VWF: variants seen among roughly 807,000 people sequenced by gnomAD.
VWF encodes the protein von Willebrand factor.
Under a neutral mutation model 308.6 loss-of-function variants are expected in VWF, and 176 were observed. The observed-to-expected ratio is 0.57, with a 90% CI of 0.50 to 0.65. The LOEUF is 0.65. Ranked by LOEUF, VWF falls within the 30% of genes least tolerant of loss-of-function variation. The pLI, the probability that VWF is intolerant of heterozygous loss-of-function variation, is 0.00. For missense variants in VWF, 3,146 were observed against 3,648.2 expected (o/e 0.86, Z 3.55); for synonymous variants, 1,385 against 1,443.4 (o/e 0.96, Z 0.92).
intron 38 of VWF, among the ~76,000 whole-genome samples, chr12:5,986,733 G>A (rs1943684284): frequency 6.6e-6 from 1 of 152,140 alleles, no homozygotes; most frequent in African/African-American, 2.4e-5. Flanking sequence ...ACTGTGTTGA[G>A]GACTTTATTT....
At chr12:6,010,145 TAATGGGAA>T (rs767983171) in intron 34 of VWF, among the ~76,000 whole-genome samples, 7 of 152,126 alleles carry the variant, frequency 4.6e-5, no homozygotes, top group Non-Finnish European at 1.0e-4. Flanking sequence ...ACAACTTTTC[TAATGGGAA>T]AATGGGGAAA....
chr12:6,032,834 TCA>T (rs1565837381), intron 20 of VWF, among the ~76,000 whole-genome samples: 1 of 149,672 alleles, frequency 6.7e-6, no homozygotes, highest in Non-Finnish European at 1.5e-5. Context: ...ACACACGTGC[TCA>T]CACATACACA....
intron 20 of VWF, among the ~76,000 whole-genome samples, chr12:6,032,540 A>G (rs1944279105): frequency 6.6e-6 from 1 of 151,402 alleles, no homozygotes; most frequent in African/African-American, 2.4e-5. Context: ...AGGGAGGCCG[A>G]GGCAGGAGAA....
chr12:6,014,997 C>G (rs1591859774), intron 31 of VWF, among the ~76,000 whole-genome samples: 2 of 152,210 alleles, frequency 1.3e-5, no homozygotes, highest in Admixed American at 6.5e-5. Context: ...TTCCTCAATT[C>G]AGCTCTCCAG....
At chr12:5,984,831 T>C (rs1943659432) in intron 40 of VWF, among the ~76,000 whole-genome samples, 1 of 152,262 alleles carries the variant, frequency 6.6e-6, no homozygotes, top group Non-Finnish European at 1.5e-5. Flanking sequence ...CTGTCAAACC[T>C]GTGTTTAGTA....
intron 5 of VWF, among the ~76,000 whole-genome samples, chr12:6,103,483 CATAT>C (rs1565391190): frequency 9.4e-6 from 1 of 106,162 alleles, no homozygotes; most frequent in South Asian, 2.5e-4. Context: ...TGTGTATATA[CATAT>C]ATGTGTATAC....
intron 30 of VWF, 132 bp downstream of exon 30, chr12:6,016,384 T>C: frequency 7.1e-7 from 1 of 1,417,792 alleles, no homozygotes; most frequent in South Asian, 1.2e-5. Context: ...GAAGAGCATC[T>C]AGCCCCTCAC....
At chr12:6,064,770 CCA>C in intron 11 of VWF, among the ~76,000 whole-genome samples, 1 of 152,312 alleles carries the variant, frequency 6.6e-6, no homozygotes, top group Non-Finnish European at 1.5e-5. Context: ...CACACATGTA[CCA>C]CAGAGTTCAG....
At chr12:5,962,857 A>AT (rs1349168005) in intron 47 of VWF, among the ~76,000 whole-genome samples, 1 of 152,110 alleles carries the variant, frequency 6.6e-6, no homozygotes, top group Non-Finnish European at 1.5e-5. Context: ...CCAGCAATTC[A>AT]TTTTTTACAA....
rs1326094978 is a variant in VWF at position 5,992,011 on chromosome 12, T to C, written c.6606A>G (p.Ser2202=). 6.2e-7 allele frequency: 1 copy of C among 1,614,100 alleles called. No homozygotes were observed. Among genetic ancestry groups the C allele is most frequent in the Admixed American group, 1.7e-5 (1 of 60,002 alleles). The part of the protein sequence containing the change: ...DWRTPDFCAM[S]CPPSLVYNHC... ...GGTTGTAGACCAGAGATGGTGGGCA[T>C]GACATAGCTGTAGACAGAGAAGGAG... Residue 2202 remains serine, a synonymous_variant, in exon 38 of 52, where the codon TCA becomes TCG. Coordinates refer to ENST00000261405, the MANE Select transcript of VWF (RefSeq NM_000552.5).
At position 6,035,443 on chromosome 12, in the gene VWF, C is replaced by T. The variant is rs186477178; in HGVS notation, c.2547-617G>A. Among the ~76,000 whole-genome samples, 327 of 152,294 alleles carry T rather than the reference C, an allele frequency of 2.1e-3. 1 individual carries two copies. The highest frequency in any genetic ancestry group is 7.4e-3 in the African/African-American group (307 of 41,556). The stretch of plus-strand genomic sequence containing the variant: ...GCTGACATCAAGAAGCCCACTTGTG[C>T]GTCAGAGGTGGTAAGCTCAGACCTC... On this transcript the variant is annotated intron_variant, in intron 19 of 51. Coordinates refer to ENST00000261405, the MANE Select transcript of VWF (RefSeq NM_000552.5).
chr12:6,037,427 G>A (rs527262790), intron 18 of VWF, among the ~76,000 whole-genome samples: 5 of 152,268 alleles, frequency 3.3e-5, no homozygotes, highest in South Asian at 2.1e-4. Context: ...CCCGTATCCC[G>A]GTTCACTCTC....
chr12:5,987,650 C>T (rs216882), intron 38 of VWF, among the ~76,000 whole-genome samples: 124,314 of 152,246 alleles, frequency 0.82, 51,649 homozygotes, highest in East Asian at 0.92. Flanking sequence ...CGTGGAATAC[C>T]ACCTAGCAAT....
At chr12:6,028,764 T>C (rs1944222948) in intron 22 of VWF, among the ~76,000 whole-genome samples, 1 of 152,086 alleles carries the variant, frequency 6.6e-6, no homozygotes, top group South Asian at 2.1e-4. Flanking sequence ...AAGGAAGCAC[T>C]AAACATGGAA....
chr12:6,039,186 A>C (rs1254110939), intron 18 of VWF, among the ~76,000 whole-genome samples: 1 of 152,226 alleles, frequency 6.6e-6, no homozygotes, highest in African/African-American at 2.4e-5. Flanking sequence ...AAGTCTATGA[A>C]TGTCCCCTGA....
intron 6 of VWF, among the ~76,000 whole-genome samples, chr12:6,088,997 G>A (rs1383365285): frequency 1.3e-5 from 2 of 152,172 alleles, no homozygotes; most frequent in Non-Finnish European, 2.9e-5. Flanking sequence ...GAAAGCACCA[G>A]AGGGTTGGGG....
chr12:6,003,554 G>C (rs1258678069), intron 34 of VWF, among the ~76,000 whole-genome samples: 2 of 151,838 alleles, frequency 1.3e-5, no homozygotes, highest in East Asian at 1.9e-4. Flanking sequence ...TGACAACATG[G>C]ATGAACCTTG....
At chr12:5,962,170 C>T (rs1351814927) in intron 47 of VWF, among the ~76,000 whole-genome samples, 1 of 152,172 alleles carries the variant, frequency 6.6e-6, no homozygotes, top group East Asian at 1.9e-4. Context: ...TATTGTGTTA[C>T]AGCAGCACAG....
rs766444913 is a variant in VWF at position 5,981,895 on chromosome 12, T to G, written c.7178A>C (p.Glu2393Ala). The G allele has an allele frequency of 2.6e-6, 4 of 1,552,528 alleles. No individual in the cohort carries two copies. The South Asian group carries it at 4.4e-5, about 17-fold the overall frequency. The change falls in exon 42 of 52, where the codon GAG becomes GCG. Residue 2393 changes from glutamate to alanine, a missense_variant. Around this residue, in one of 3 missense-constraint regions of VWF, gnomAD observed 989 missense variants for 1,117.4 expected, o/e 0.89. Transcript: ENST00000261405. ...GGAGTTGACACAGTTGCAGGCACAC[T>G]CATACTCATCACAGCACTGGGTCTT... ...LRKTQCCDEY[E>A]CACNCVNSTV...
Sources: gnomAD v4.1 joint callset for allele counts (sites outside exome capture counted in the v4.1 genomes callset) on GRCh38, gnomAD v4.1.1 for gene constraint, gnomAD v4.1.1 regional missense constraint, MANE v1.5 for transcripts, NCBI Gene and HGNC (gene_info 2026-07-23, HGNC 2026-07-21) for gene names.